The following STK38 variants were observed in gnomAD, a reference collection of about 807,000 sequenced individuals.
STK38 encodes the protein serine/threonine kinase 38.
Under a neutral mutation model 59.0 loss-of-function variants are expected in STK38, and 26 were observed. The ratio of observed to expected loss-of-function variants is 0.44; its 90% confidence interval spans 0.32 to 0.61. The LOEUF (loss-of-function observed/expected upper bound fraction) is 0.61. Ranked by LOEUF, STK38 falls within the 20% of genes least tolerant of loss-of-function variation. The pLI is 0.04. For synonymous variants in STK38, 175 were observed against 176.6 expected, an observed-to-expected ratio of 0.99 and a Z score of 0.07; for missense variants, 433 against 566.0, an observed-to-expected ratio of 0.76 and a Z score of 2.38.
Position 36,527,298 on chromosome 6 carries a change from A to G in STK38, c.132-1656T>C, listed in dbSNP as rs965794255. Among the ~76,000 whole-genome samples, 25 of 141,730 alleles carry G rather than the reference A, an allele frequency of 1.8e-4. 1 individual carries two copies. Among genetic ancestry groups the G allele is most frequent in the African/African-American group, 3.7e-4 (14 of 37,378 alleles). The allele number at this position is 141,730 out of a possible 152,430, so 93.0% of individuals were successfully genotyped here. On this transcript the variant is annotated intron_variant, in intron 2 of 13. Coordinates refer to ENST00000229812, the MANE Select transcript of STK38 (RefSeq NM_007271.4). ...TGTATACATATATACATATACACAT[A>G]TGTATATACGTATATATACACACAT...
At chr6:36,505,832 G>A (rs769374444) in intron 9 of STK38, among the ~76,000 whole-genome samples, 6 of 152,096 alleles carry the variant, frequency 3.9e-5, no homozygotes, top group Non-Finnish European at 7.4e-5. Flanking sequence ...GTAGTGATAC[G>A]CATTTCTATT....
intron 4 of STK38, 93 bp downstream of exon 4, chr6:36,524,248 A>G: frequency 6.9e-7 from 1 of 1,450,050 alleles, no homozygotes; most frequent in East Asian, 2.4e-5. Flanking sequence ...AATTCCATAT[A>G]TTTGTTATAT....
intron 3 of STK38, among the ~76,000 whole-genome samples, chr6:36,525,373 T>C (rs1377636044): frequency 1.3e-5 from 2 of 152,324 alleles, no homozygotes; most frequent in Non-Finnish European, 2.9e-5. Flanking sequence ...CTAAATCTAG[T>C]TTACTATAAC....
At chr6:36,503,039 A>T (rs993949806) in intron 9 of STK38, among the ~76,000 whole-genome samples, 1 of 152,180 alleles carries the variant, frequency 6.6e-6, no homozygotes, top group Non-Finnish European at 1.5e-5. Context: ...GTCTTTTGCT[A>T]TTATGAAAAT....
chr6:36,523,300 T>C (rs1048298972), intron 4 of STK38, among the ~76,000 whole-genome samples: 3 of 142,316 alleles, frequency 2.1e-5, no homozygotes, highest in African/African-American at 7.9e-5. Flanking sequence ...TCTTGCTCTG[T>C]CACCCAGGCT....
intron 9 of STK38, among the ~76,000 whole-genome samples, chr6:36,502,216 C>T (rs953847292): frequency 1.3e-5 from 2 of 152,028 alleles, no homozygotes; most frequent in African/African-American, 4.8e-5. Context: ...GATCATAGCT[C>T]ACTGCAGCCT....
intron 2 of STK38, 63 bp downstream of exon 2, chr6:36,540,009 T>G (rs1331853912): frequency 6.3e-7 from 1 of 1,599,414 alleles, no homozygotes; most frequent in African/African-American, 1.3e-5. Context: ...ATTATAAGTG[T>G]TTTACAATAC....
intron 7 of STK38, among the ~76,000 whole-genome samples, chr6:36,514,258 G>T (rs115469153): frequency 6.7e-6 from 1 of 149,278 alleles, no homozygotes; most frequent in African/African-American, 2.5e-5. Context: ...AGATTGCAGT[G>T]AGCTATAACT....
At position 36,497,819 on chromosome 6, in the gene STK38, C is replaced by G. The variant is rs1462798991; in HGVS notation, c.1133G>C (p.Ser378Thr). The G allele has an allele frequency of 1.9e-6, 3 of 1,613,580 alleles. No individual in the cohort carries two copies. In the African/African-American group the frequency reaches 4.0e-5, roughly 22 times the overall value. ...GTCAACGCCTTCAAAAAAAGAGTTA[C>G]TTTTTATTTCCTCAACTCCAGGAGC... ...IGAPGVEEIKSNSFFEGVDWE... is the reference protein window; with the variant it reads ...IGAPGVEEIKTNSFFEGVDWE... The change falls in exon 12 of 14, where the codon AGT becomes ACT. Residue 378 changes from serine to threonine, a missense_variant. Ser to Thr is a moderately conservative substitution (Grantham distance 58). Transcript: ENST00000229812.
Position 36,497,771 on chromosome 6 carries a change from T to C in STK38, c.1172+9A>G. The C allele has an allele frequency of 6.3e-7, 1 of 1,591,174 alleles. No individual in the cohort carries two copies. Among genetic ancestry groups the C allele is most frequent in the Non-Finnish European group, 8.6e-7 (1 of 1,166,620 alleles). ...TGAAATAATTCTGAAAGTGTTTATA[T>C]GGATATACCTGATATGTTCCCAGTC... On this transcript the variant is annotated intron_variant, in intron 12 of 13. Transcript: ENST00000229812.
chr6:36,500,648 T>C (rs1776814803), intron 9 of STK38, among the ~76,000 whole-genome samples: 1 of 150,980 alleles, frequency 6.6e-6, no homozygotes, highest in Non-Finnish European at 1.5e-5. Flanking sequence ...TAGTCCTAGC[T>C]TCTCGGGAGG....
chr6:36,506,052 T>A (rs562668411), intron 9 of STK38, among the ~76,000 whole-genome samples: 1 of 152,310 alleles, frequency 6.6e-6, no homozygotes, highest in Non-Finnish European at 1.5e-5. Context: ...AGGCACAAAG[T>A]CAAATGCATA....
intron 4 of STK38, among the ~76,000 whole-genome samples, chr6:36,523,881 C>T (rs968242375): frequency 9.9e-5 from 15 of 152,252 alleles, no homozygotes; most frequent in South Asian, 4.1e-4. Context: ...GTTTCCTTCT[C>T]GAGAGGCAGT....
intron 7 of STK38, among the ~76,000 whole-genome samples, 188 bp from the exon 8 acceptor site, chr6:36,507,790 A>G (rs936039956): frequency 2.6e-5 from 4 of 152,176 alleles, no homozygotes; most frequent in Admixed American, 2.6e-4. Flanking sequence ...TACTAATAAA[A>G]CTATTTTCAT....
chr6:36,521,280 A>G (rs1049874379), intron 5 of STK38, among the ~76,000 whole-genome samples: 1 of 152,186 alleles, frequency 6.6e-6, no homozygotes, highest in Non-Finnish European at 1.5e-5. Flanking sequence ...AGAAGACTCA[A>G]CTTTGGTTTA....
intron 9 of STK38, among the ~76,000 whole-genome samples, chr6:36,501,412 A>T (rs890542941): frequency 1.3e-5 from 2 of 152,202 alleles, no homozygotes; most frequent in Non-Finnish European, 2.9e-5. Context: ...ATAATTTTTT[A>T]AATTACAGTT....
intron 6 of STK38, among the ~76,000 whole-genome samples, chr6:36,516,834 CATGAGAAGCTACGGAAG>C (rs1400230964): frequency 4.6e-5 from 7 of 152,178 alleles, no homozygotes; most frequent in African/African-American, 1.7e-4. Context: ...GTCCAGGAGA[CATGAGAAGCTACGGAAG>C]ATGGTACAGG....
chr6:36,541,331 G>A (rs1490389731), intron 1 of STK38, among the ~76,000 whole-genome samples: 1 of 152,150 alleles, frequency 6.6e-6, no homozygotes, highest in Non-Finnish European at 1.5e-5. Flanking sequence ...GGCTTCCTGG[G>A]AGGCCAAGAC....
At chr6:36,536,152 T>A (rs1278001957) in intron 2 of STK38, among the ~76,000 whole-genome samples, 1 of 152,172 alleles carries the variant, frequency 6.6e-6, no homozygotes, top group Non-Finnish European at 1.5e-5. Flanking sequence ...TATATGTCAC[T>A]TGATTTTCAA....
Sources: allele counts gnomAD v4.1 joint callset (sites outside exome capture counted in the v4.1 genomes callset), GRCh38; gene constraint gnomAD v4.1.1; transcripts MANE v1.5; gene names NCBI Gene and HGNC (gene_info 2026-07-23, HGNC 2026-07-21).